The following ZNF544 variants were observed in gnomAD, a reference collection of about 807,000 sequenced individuals.
ZNF544 encodes the protein zinc finger protein AF020591.
In ZNF544, 10 loss-of-function variants were observed where a neutral mutation model predicts 13.5. The observed-to-expected ratio is 0.74, with a 90% CI of 0.46 to 1.25. The LOEUF (loss-of-function observed/expected upper bound fraction) is 1.25. Ranked by LOEUF, ZNF544 falls within the 50% of genes most tolerant of loss-of-function variation. The pLI is 0.00. For synonymous variants in ZNF544, 323 were observed against 300.5 expected (o/e 1.07, Z -0.77); for missense variants, 896 against 845.6 (o/e 1.06, Z -0.74).
intron 5 of ZNF544, among the ~76,000 whole-genome samples, chr19:58,275,410 C>T (rs946696869): frequency 2.6e-5 from 4 of 151,990 alleles, no homozygotes; most frequent in African/African-American, 9.7e-5. Context: ...ACCCACCGAT[C>T]CCTTGAAAGG....
intron 5 of ZNF544, among the ~76,000 whole-genome samples, chr19:58,273,193 G>A (rs1386080997): frequency 6.6e-6 from 1 of 150,660 alleles, no homozygotes; most frequent in Non-Finnish European, 1.5e-5. Context: ...AAAAAAAAAA[G>A]AAGAAAGAAA....
intron 6 of ZNF544, among the ~76,000 whole-genome samples, chr19:58,260,198 T>C (rs1187110084): frequency 6.6e-6 from 1 of 152,220 alleles, no homozygotes; most frequent in East Asian, 1.9e-4. Flanking sequence ...AGAACATACA[T>C]ACTTTTTGCA....
chr19:58,272,615 G>A (rs1208439953), intron 5 of ZNF544, among the ~76,000 whole-genome samples: 1 of 152,138 alleles, frequency 6.6e-6, no homozygotes, highest in Non-Finnish European at 1.5e-5. Context: ...AGTCCTTGAA[G>A]ATTTGATTTT....
At chr19:58,240,414 C>T (rs760729716) in intron 3 of ZNF544, among the ~76,000 whole-genome samples, 35 of 152,058 alleles carry the variant, frequency 2.3e-4, no homozygotes, top group Admixed American at 1.2e-3. Flanking sequence ...CCCACCACCA[C>T]GCCCGTCTAA....
intron 5 of ZNF544, among the ~76,000 whole-genome samples, chr19:58,270,258 C>T (rs1477607218): frequency 6.6e-6 from 1 of 150,990 alleles, no homozygotes; most frequent in Admixed American, 6.6e-5. Flanking sequence ...ATTGACCCTT[C>T]AGGGAATGGC....
chr19:58,238,192 A>G (rs2042837629), intron 3 of ZNF544, among the ~76,000 whole-genome samples: 1 of 152,172 alleles, frequency 6.6e-6, no homozygotes, highest in African/African-American at 2.4e-5. Flanking sequence ...TTGGCCTCCC[A>G]GAGTGCTGGG....
Position 58,262,781 on chromosome 19 carries a change from C to T in ZNF544, c.*27C>T. On this transcript the variant is annotated 3_prime_UTR_variant, in exon 7 of 7. Transcript: ENST00000687789. ...AGTGCAGTCATTGTGGGAAAGCTTT[C>T]ATCCAGAGGTCTCCCCTCATCATGC... 1.3e-6 allele frequency: 2 copies of T among 1,564,892 alleles called. No homozygotes were observed. The highest frequency in any genetic ancestry group is 2.7e-5 in the African/African-American group (2 of 73,702).
chr19:58,253,670 C>T (rs989842806), intron 6 of ZNF544, among the ~76,000 whole-genome samples: 1 of 151,884 alleles, frequency 6.6e-6, no homozygotes, highest in African/African-American at 2.4e-5. Context: ...GAACTCCTGA[C>T]CTCGGGTGAT....
chr19:58,235,422 C>T (rs932353250), intron 3 of ZNF544, among the ~76,000 whole-genome samples: 28 of 152,274 alleles, frequency 1.8e-4, no homozygotes, highest in East Asian at 1.7e-3. Flanking sequence ...GGGCACATGA[C>T]GGTAGGCACA....
At chr19:58,245,298 G>A (rs577035129) in intron 4 of ZNF544, among the ~76,000 whole-genome samples, 22 of 135,706 alleles carry the variant, frequency 1.6e-4, no homozygotes, top group African/African-American at 5.7e-4. Flanking sequence ...TGTTTGTGGG[G>A]TTTTTTTTTT....
chr19:58,266,212 CAAAAAAAAAAAAA>C (rs760851818), downstream of ZNF544, among the ~76,000 whole-genome samples: 2 of 46,208 alleles, frequency 4.3e-5, no homozygotes, highest in Non-Finnish European at 7.3e-5. Context: ...GACTCTGTCT[CAAAAAAAAAAAAA>C]AAAAAAAAAA....
downstream of ZNF544, chr19:58,266,586 G>A (rs1372042044): frequency 6.6e-6 from 1 of 151,932 alleles, no homozygotes; most frequent in Non-Finnish European, 1.5e-5. Flanking sequence ...AGGAAGGCTG[G>A]AGAGGGTCAG....
At position 58,263,040 on chromosome 19, in the gene ZNF544, T is replaced by C. The variant is rs896032575; in HGVS notation, c.*286T>C. On this transcript the variant is annotated 3_prime_UTR_variant, in exon 7 of 7. Transcript: ENST00000687789. ...AAAGCCTTTAGCCAACGGTGTCAAC[T>C]TACTAGGCAGCAGAGAATTCATACT... 2 of 1,167,710 alleles carry C rather than the reference T, an allele frequency of 1.7e-6. No homozygotes were observed. Among genetic ancestry groups the C allele is most frequent in the Non-Finnish European group, 2.1e-6 (2 of 942,420 alleles). The allele number at this position is 1,167,710 out of a possible 1,614,324, so 72.3% of individuals were successfully genotyped here.
chr19:58,245,486 G>C lies in ZNF544; in HGVS notation c.34-815G>C, dbSNP rs369577834. Among the ~76,000 whole-genome samples the C allele has an allele frequency of 2.9e-3, 434 of 151,398 alleles. 4 individuals carry two copies. Among genetic ancestry groups the C allele is most frequent in the African/African-American group, 0.01 (414 of 41,248 alleles). ...CTGGCTAATTTTTGTATTTTTAGTA[G>C]AGACGGGGTTTCACCATGTTGGCCA... On this transcript the variant is annotated intron_variant, in intron 4 of 6. Coordinates refer to ENST00000687789, the MANE Select transcript of ZNF544 (RefSeq NM_014480.4).
intron 5 of ZNF544, among the ~76,000 whole-genome samples, chr19:58,269,686 C>T (rs1227103532): frequency 2.6e-5 from 4 of 151,018 alleles, no homozygotes; most frequent in Admixed American, 6.6e-5. Context: ...TTTGGGAGAC[C>T]GAGGCAGGTG....
Position 58,262,842 on chromosome 19 carries a change from T to G in ZNF544, c.*88T>G. On this transcript the variant is annotated 3_prime_UTR_variant, in exon 7 of 7. Transcript: ENST00000687789. ...GCATGTCGGTGGGAAGAGCTATCAGTGTGACGTGTATTAAGCCAGCGGTTG... is the reference window on the plus strand; with the variant it reads ...GCATGTCGGTGGGAAGAGCTATCAGGGTGACGTGTATTAAGCCAGCGGTTG... 1 of 1,515,170 alleles carries G rather than the reference T, an allele frequency of 6.6e-7. No homozygotes were observed. Among genetic ancestry groups the G allele is most frequent in the Non-Finnish European group, 8.8e-7 (1 of 1,135,554 alleles). 93.9% of individuals were successfully genotyped at this position (1,515,170 alleles called of 1,614,324 possible).
At chr19:58,257,934 T>C (rs1033085065) in intron 6 of ZNF544, 1 of 152,288 alleles carries the variant, frequency 6.6e-6, no homozygotes, top group African/African-American at 2.4e-5. Context: ...TGCTCCTCCT[T>C]CCTTGTAACT....
intron 5 of ZNF544, among the ~76,000 whole-genome samples, chr19:58,272,988 C>T (rs1248360320): frequency 6.6e-6 from 1 of 151,828 alleles, no homozygotes; most frequent in Non-Finnish European, 1.5e-5. Context: ...TCGAGACCAT[C>T]CTGGCTAACA....
chr19:58,262,819 A>G lies in ZNF544; in HGVS notation c.*65A>G. ...CCCCTCATCATGCACCAGAGGACGC[A>G]TGTCGGTGGGAAGAGCTATCAGTGT... is the stretch of plus-strand genomic sequence containing the variant. On this transcript the variant is annotated 3_prime_UTR_variant, in exon 7 of 7. Coordinates refer to ENST00000687789, the MANE Select transcript of ZNF544 (RefSeq NM_014480.4). The G allele has an allele frequency of 2.0e-6, 3 of 1,530,448 alleles. No individual in the cohort carries two copies. Among genetic ancestry groups the G allele is most frequent in the Middle Eastern group, 1.8e-4 (1 of 5,602 alleles). 94.8% of individuals were successfully genotyped at this position (1,530,448 alleles called of 1,614,324 possible).
Sources: allele counts gnomAD v4.1 joint callset (sites outside exome capture counted in the v4.1 genomes callset), GRCh38; gene constraint gnomAD v4.1.1; transcripts MANE v1.5; gene names NCBI Gene and HGNC (gene_info 2026-07-23, HGNC 2026-07-21).